The following FGGY variants were observed in gnomAD, a reference collection of about 807,000 sequenced individuals.
The protein encoded by FGGY is FGGY carbohydrate kinase domain-containing protein.
In FGGY, 72 loss-of-function variants were observed where a neutral mutation model predicts 71.3. That is an observed-to-expected ratio of 1.01 (90% CI 0.84 to 1.23). The LOEUF (loss-of-function observed/expected upper bound fraction) is 1.23, where lower values mean the gene tolerates loss of function less well. Among genes scored for constraint, FGGY ranks in the 50% most tolerant of loss-of-function variants. FGGY has a pLI of 0.00. For missense variants in FGGY, 668 were observed against 682.3 expected (o/e 0.98, Z 0.23); for synonymous variants, 251 against 250.3 (o/e 1.00, Z -0.02).
intron 6 of FGGY, among the ~76,000 whole-genome samples, chr1:59,490,791 C>A (rs930896600): frequency 6.6e-6 from 1 of 152,012 alleles, no homozygotes; most frequent in African/African-American, 2.4e-5. Context: ...TTTCAAAGCC[C>A]AGTGAATGCT....
chr1:59,587,687 G>A (rs1432566078), intron 8 of FGGY, among the ~76,000 whole-genome samples: 3 of 152,158 alleles, frequency 2.0e-5, no homozygotes, highest in Admixed American at 6.5e-5. Flanking sequence ...AGGCAAACAG[G>A]GTCTGGAGTG....
At chr1:59,320,713 A>G (rs1570303001) in intron 1 of FGGY, among the ~76,000 whole-genome samples, 1 of 152,222 alleles carries the variant, frequency 6.6e-6, no homozygotes, top group Non-Finnish European at 1.5e-5. Context: ...CAGTCACTTC[A>G]TGACAAAGCT....
intron 11 of FGGY, among the ~76,000 whole-genome samples, chr1:59,658,237 A>C (rs1427265145): frequency 6.6e-6 from 1 of 152,198 alleles, no homozygotes; most frequent in African/African-American, 2.4e-5. Context: ...CTGTGAAATA[A>C]AGTTCCATAA....
chr1:59,347,092 TTC>T (rs199786697), intron 4 of FGGY, among the ~76,000 whole-genome samples: 3,596 of 29,436 alleles, frequency 0.12, 173 homozygotes, highest in African/African-American at 0.3. Context: ...CTCTTTTTTT[TTC>T]GGTTATTCTT....
intron 6 of FGGY, among the ~76,000 whole-genome samples, chr1:59,499,295 G>GTTTTTTT (rs1558134095): frequency 4.3e-5 from 3 of 70,120 alleles, no homozygotes; most frequent in African/African-American, 2.4e-4. Flanking sequence ...TGTATACTAT[G>GTTTTTTT]TTTGTTTTTT....
At chr1:59,667,259 C>T in intron 12 of FGGY, 24 bp from the exon 13 acceptor site, 4 of 1,613,686 alleles carry the variant, frequency 2.5e-6, no homozygotes, top group Non-Finnish European at 3.4e-6. Context: ...TATACTGATG[C>T]TATCTTCTGC....
intron 4 of FGGY, among the ~76,000 whole-genome samples, chr1:59,349,673 G>T (rs1557635619): frequency 1.3e-5 from 2 of 152,108 alleles, no homozygotes; most frequent in African/African-American, 4.8e-5. Flanking sequence ...CTAGTGTGGG[G>T]TGTGTTTTGG....
chr1:59,746,995 A>G (rs1441183885), intron 14 of FGGY, among the ~76,000 whole-genome samples: 1 of 152,242 alleles, frequency 6.6e-6, no homozygotes, highest in Non-Finnish European at 1.5e-5. Flanking sequence ...GTGCTAGGCC[A>G]TAGTAAGTAC....
chr1:59,761,662 A>G (rs1220808782), intron 15 of FGGY, among the ~76,000 whole-genome samples: 1 of 152,218 alleles, frequency 6.6e-6, no homozygotes, highest in Non-Finnish European at 1.5e-5. Context: ...CAGTTCTAAC[A>G]GGTCTAACCC....
intron 9 of FGGY, among the ~76,000 whole-genome samples, chr1:59,618,586 A>G (rs952447649): frequency 1.3e-5 from 2 of 152,268 alleles, no homozygotes; most frequent in South Asian, 4.1e-4. Flanking sequence ...AAACAAATAC[A>G]GTTGGCAGGC....
chr1:59,748,091 G>A (rs115273309), intron 14 of FGGY, among the ~76,000 whole-genome samples: 3,116 of 151,136 alleles, frequency 0.021, 44 homozygotes, highest in Non-Finnish European at 0.033. Context: ...AGTACCTTGC[G>A]TAAAATAGGC....
chr1:59,375,374 C>T (rs1429494295), intron 4 of FGGY, among the ~76,000 whole-genome samples: 1 of 151,982 alleles, frequency 6.6e-6, no homozygotes, highest in Non-Finnish European at 1.5e-5. Context: ...CATTTCCTCT[C>T]ATTCAGTCCT....
intron 7 of FGGY, among the ~76,000 whole-genome samples, chr1:59,531,347 G>C (rs1250447503): frequency 6.6e-6 from 1 of 152,142 alleles, no homozygotes; most frequent in East Asian, 1.9e-4. Context: ...ATCACAAATA[G>C]AATGTATTTA....
chr1:59,439,562 A>G (rs2069265960), intron 5 of FGGY, among the ~76,000 whole-genome samples: 1 of 152,152 alleles, frequency 6.6e-6, no homozygotes, highest in South Asian at 2.1e-4. Context: ...TTTAAAGAAG[A>G]CTGTCATCTT....
intron 2 of FGGY, among the ~76,000 whole-genome samples, chr1:59,336,301 C>A (rs1158793815): frequency 6.6e-6 from 1 of 152,080 alleles, no homozygotes; most frequent in African/African-American, 2.4e-5. Context: ...GGGTTTACTT[C>A]TTATATCTCT....
At chr1:59,512,255 G>A (rs2094536247) in intron 6 of FGGY, 56 bp from the exon 7 acceptor site, 5 of 1,539,686 alleles carry the variant, frequency 3.2e-6, no homozygotes, top group Non-Finnish European at 4.4e-6. Context: ...AAAACCCTCT[G>A]TTTACTTTTG....
At chr1:59,468,040 A>G (rs1418108648) in intron 6 of FGGY, among the ~76,000 whole-genome samples, 1 of 151,938 alleles carries the variant, frequency 6.6e-6, no homozygotes, top group Non-Finnish European at 1.5e-5. Flanking sequence ...AGTAGCTGGG[A>G]TTACAGGCAT....
At chr1:59,532,434 A>C (rs1036699892) in intron 7 of FGGY, among the ~76,000 whole-genome samples, 12 of 152,210 alleles carry the variant, frequency 7.9e-5, no homozygotes, top group Non-Finnish European at 1.5e-4. Context: ...ATAATAAATC[A>C]TACATAGAAG....
chr1:59,514,412 C>CA (rs1435444805), intron 7 of FGGY, among the ~76,000 whole-genome samples: 2 of 152,194 alleles, frequency 1.3e-5, no homozygotes, highest in African/African-American at 4.8e-5. Context: ...GCCCAGGACT[C>CA]ACTATGTCCT....
Sources: gnomAD v4.1 joint callset for allele counts (sites outside exome capture counted in the v4.1 genomes callset) on GRCh38, gnomAD v4.1.1 for gene constraint, MANE v1.5 for transcripts, NCBI Gene and HGNC (gene_info 2026-07-23, HGNC 2026-07-21) for gene names.